The following RABGAP1L variants were observed in gnomAD, a reference collection of about 807,000 sequenced individuals.
The protein encoded by RABGAP1L is rab GTPase-activating protein 1-like.
In RABGAP1L, 63 loss-of-function variants were observed where a neutral mutation model predicts 137.7. The observed-to-expected ratio is 0.46, with a 90% CI of 0.37 to 0.56. RABGAP1L has a LOEUF of 0.56. RABGAP1L is among the 20% of genes least tolerant of loss of function. The pLI is 0.00. For synonymous variants in RABGAP1L, 431 were observed against 433.7 expected (o/e 0.99, Z 0.08); for missense variants, 1,095 against 1,244.0 (o/e 0.88, Z 1.80).
intron 19 of RABGAP1L, among the ~76,000 whole-genome samples, chr1:174,866,920 A>AT (rs768820123): frequency 2.4e-3 from 355 of 150,692 alleles, no homozygotes; most frequent in Admixed American, 3.6e-3. Flanking sequence ...CAAAAAAAAA[A>AT]TTTTTTTTTT....
At chr1:174,902,646 C>G in intron 19 of RABGAP1L, among the ~76,000 whole-genome samples, 1 of 152,348 alleles carries the variant, frequency 6.6e-6, no homozygotes. Context: ...AGGGGACTCT[C>G]CTGATAGGTG....
At chr1:174,454,071 C>T (rs568552552) in intron 13 of RABGAP1L, among the ~76,000 whole-genome samples, 3 of 152,046 alleles carry the variant, frequency 2.0e-5, no homozygotes, top group South Asian at 4.1e-4. Flanking sequence ...AAAGCCATCC[C>T]GGCCAAAATG....
At chr1:174,249,601 C>CTT (rs199661095) in intron 5 of RABGAP1L, among the ~76,000 whole-genome samples, 74 of 140,154 alleles carry the variant, frequency 5.3e-4, no homozygotes, top group Middle Eastern at 7.5e-3. Context: ...TGAAAGATAG[C>CTT]TTTTTTTTTT....
chr1:174,971,026 A>G (rs1003172532), intron 21 of RABGAP1L, among the ~76,000 whole-genome samples: 2 of 151,980 alleles, frequency 1.3e-5, no homozygotes, highest in African/African-American at 2.4e-5. Flanking sequence ...GAAGGGGACC[A>G]TAGTATACCT....
chr1:174,345,565 A>G (rs1682358547), intron 11 of RABGAP1L, among the ~76,000 whole-genome samples: 1 of 152,132 alleles, frequency 6.6e-6, no homozygotes, highest in East Asian at 1.9e-4. Flanking sequence ...CTCTTGACTT[A>G]CAGAAATGCT....
intron 11 of RABGAP1L, among the ~76,000 whole-genome samples, chr1:174,310,679 TA>T (rs1678745021): frequency 6.6e-6 from 1 of 152,210 alleles, no homozygotes; most frequent in Non-Finnish European, 1.5e-5. Context: ...TTTTATTATA[TA>T]ATCACCTTCT....
At chr1:174,635,980 C>CT (rs1301154592) in intron 13 of RABGAP1L, among the ~76,000 whole-genome samples, 1 of 152,064 alleles carries the variant, frequency 6.6e-6, no homozygotes, top group Non-Finnish European at 1.5e-5. Context: ...TTCTTCAAAT[C>CT]TTTATGGAAA....
chr1:174,597,530 T>C (rs1168753495), intron 13 of RABGAP1L, among the ~76,000 whole-genome samples: 1 of 152,114 alleles, frequency 6.6e-6, no homozygotes. Flanking sequence ...TCTAATGATC[T>C]TTGAATTTCT....
Position 174,241,591 on chromosome 1 carries a change from T to C in RABGAP1L, c.651T>C (p.Phe217=). Residue 217 remains phenylalanine (F), a synonymous_variant, in exon 5 of 26, where the codon TTT becomes TTC. Coordinates refer to ENST00000681986, the MANE Select transcript of RABGAP1L (RefSeq NM_001366446.1). ...DGTTESNCFA[F]TESSHGSEEF... ...CAACAGAGAGCAATTGCTTTGCATT[T>C]ACAGAGAGTTCCCATGGTTCGGAAG... The C allele has an allele frequency of 6.2e-7, 1 of 1,614,024 alleles. No homozygotes were observed. Among genetic ancestry groups the C allele is most frequent in the Non-Finnish European group, 8.5e-7 (1 of 1,179,938 alleles).
intron 14 of RABGAP1L, among the ~76,000 whole-genome samples, chr1:174,649,572 G>C (rs1307881427): frequency 6.6e-6 from 1 of 152,114 alleles, no homozygotes; most frequent in Non-Finnish European, 1.5e-5. Flanking sequence ...GAGATCCGCT[G>C]TTAGTCTGAT....
At chr1:174,315,368 C>A (rs1679269949) in intron 11 of RABGAP1L, among the ~76,000 whole-genome samples, 2 of 151,848 alleles carry the variant, frequency 1.3e-5, no homozygotes, top group Admixed American at 6.6e-5. Flanking sequence ...TCTCTTTATT[C>A]TCCGTCTATA....
intron 19 of RABGAP1L, among the ~76,000 whole-genome samples, chr1:174,903,516 A>G (rs1467623240): frequency 6.6e-6 from 1 of 152,246 alleles, no homozygotes; most frequent in East Asian, 1.9e-4. Flanking sequence ...TGGGAAAATA[A>G]AATGTTCATG....
At chr1:174,988,180 A>C (rs756618155) in intron 24 of RABGAP1L, among the ~76,000 whole-genome samples, 2 of 152,214 alleles carry the variant, frequency 1.3e-5, no homozygotes, top group African/African-American at 2.4e-5. Context: ...GCTTTGTTGC[A>C]AGGGTAGATT....
At chr1:174,929,065 G>A (rs771874662) in intron 19 of RABGAP1L, among the ~76,000 whole-genome samples, 7 of 151,754 alleles carry the variant, frequency 4.6e-5, no homozygotes, top group East Asian at 1.9e-4. Flanking sequence ...GGGGCCTGTC[G>A]TGGGGTGGGG....
At chr1:174,750,265 T>C (rs2148672879) in intron 17 of RABGAP1L, among the ~76,000 whole-genome samples, 1 of 152,288 alleles carries the variant, frequency 6.6e-6, no homozygotes, top group East Asian at 1.9e-4. Context: ...GGATCTCTCT[T>C]TTAATGTTAA....
chr1:174,754,281 C>G (rs1036003019), intron 18 of RABGAP1L, among the ~76,000 whole-genome samples: 1 of 152,086 alleles, frequency 6.6e-6, no homozygotes, highest in African/African-American at 2.4e-5. Context: ...CTGACCCCCC[C>G]AATAGACAGA....
intron 19 of RABGAP1L, among the ~76,000 whole-genome samples, chr1:174,896,035 G>T (rs1045653671): frequency 3.9e-5 from 6 of 152,158 alleles, no homozygotes; most frequent in African/African-American, 9.7e-5. Flanking sequence ...TCCACAGTGG[G>T]TGAACTAGTT....
At position 174,194,523 on chromosome 1, in the gene RABGAP1L, C is replaced by T. The variant is rs570002841; in HGVS notation, c.-33-24602C>T. On this transcript the variant is annotated intron_variant, in intron 1 of 25. Coordinates refer to ENST00000681986, the MANE Select transcript of RABGAP1L (RefSeq NM_001366446.1). Reference sequence around the variant, plus strand: ...TGCTGGGATTATAGGCATGAGCCACCGTGCCCGGCCGGCTTCAGTTAATTC... The same window carrying T: ...TGCTGGGATTATAGGCATGAGCCACTGTGCCCGGCCGGCTTCAGTTAATTC... 2.6e-5 allele frequency among the ~76,000 whole-genome samples: 4 copies of T among 152,196 alleles called. 1 individual carries two copies. Among genetic ancestry groups the T allele is most frequent in the African/African-American group, 9.6e-5 (4 of 41,532 alleles).
intron 4 of RABGAP1L, among the ~76,000 whole-genome samples, chr1:174,232,500 G>A (rs1319487551): frequency 5.4e-5 from 8 of 148,722 alleles, no homozygotes; most frequent in Admixed American, 2.7e-4. Flanking sequence ...AAAAAAAAAA[G>A]TGGCCGGGCG....
Sources: gnomAD v4.1 joint callset for allele counts (sites outside exome capture counted in the v4.1 genomes callset) on GRCh38, gnomAD v4.1.1 for gene constraint, MANE v1.5 for transcripts, NCBI Gene and HGNC (gene_info 2026-07-23, HGNC 2026-07-21) for gene names.